The following TASOR variants were observed in gnomAD, a reference collection of about 807,000 sequenced individuals.
TASOR encodes the protein protein TASOR.
TASOR carries 53 observed loss-of-function variants against 178.6 expected under a neutral mutation model. The ratio of observed to expected loss-of-function variants is 0.30; its 90% confidence interval spans 0.24 to 0.37. The LOEUF (loss-of-function observed/expected upper bound fraction) is 0.37, where lower values mean the gene tolerates loss of function less well. TASOR is among the 10% of genes least tolerant of loss of function. The pLI, the probability that TASOR is intolerant of heterozygous loss-of-function variation, is 1.00. For missense variants in TASOR, 1,815 were observed against 1,971.4 expected (o/e 0.92, Z 1.50); for synonymous variants, 713 against 696.2 (o/e 1.02, Z -0.38).
At position 56,628,509 on chromosome 3, in the gene TASOR, C is replaced by T; in HGVS notation, c.3853G>A (p.Ala1285Thr). 6.2e-7 allele frequency: 1 copy of T among 1,602,060 alleles called. No homozygotes were observed. Among genetic ancestry groups the T allele is most frequent in the South Asian group, 1.1e-5 (1 of 87,806 alleles). The change falls in exon 19 of 24, where the codon GCA becomes ACA. Residue 1285 changes from alanine (A) to threonine (T), a missense_variant. Transcript: ENST00000683822. ...LLIIIQNEDI[A>T]GFIHKIPGLV... ...TAGTCTACCTTGTGAATGAAACCTG[C>T]AATGTCTTCATTTTGAATAATAATC... is the stretch of plus-strand genomic sequence containing the variant.
At chr3:56,655,005 A>C (rs569827318) in intron 11 of TASOR, among the ~76,000 whole-genome samples, 1 of 152,166 alleles carries the variant, frequency 6.6e-6, no homozygotes, top group South Asian at 2.1e-4. Context: ...CCCCCACCAT[A>C]AACTATTGGT....
At chr3:56,677,234 G>A (rs529055360) in intron 1 of TASOR, among the ~76,000 whole-genome samples, 1 of 152,158 alleles carries the variant, frequency 6.6e-6, no homozygotes, top group Non-Finnish European at 1.5e-5. Context: ...CTCAATTATG[G>A]GTCACTATTT....
rs562337893 is a variant in TASOR, at chr3:56,626,620, G to A, written c.4139+417C>T. On this transcript the variant is annotated intron_variant, in intron 21 of 23. Transcript: ENST00000683822. ...TAGCTGGGCATGGTGGCGGGCGCCT[G>A]TAATCTCAGCTACTTGAGAGGCTGA... is the stretch of plus-strand genomic sequence containing the variant. 2.0e-3 allele frequency among the ~76,000 whole-genome samples: 309 copies of A among 152,254 alleles called. 12 individuals are homozygous for A. In the South Asian group the frequency reaches 0.058, roughly 28 times the overall value.
intron 16 of TASOR, among the ~76,000 whole-genome samples, chr3:56,639,741 G>C (rs552852551): frequency 1.3e-5 from 2 of 150,672 alleles, no homozygotes; most frequent in Non-Finnish European, 3.0e-5. Flanking sequence ...AAACTCCATA[G>C]AGACAGTGTG....
At chr3:56,661,296 G>A (rs2077589498) in intron 9 of TASOR, among the ~76,000 whole-genome samples, 1 of 152,170 alleles carries the variant, frequency 6.6e-6, no homozygotes, top group Non-Finnish European at 1.5e-5. Flanking sequence ...ACAGGCATGT[G>A]CCACCACGCT....
chr3:56,645,340 G>A (rs1304167424), intron 14 of TASOR, among the ~76,000 whole-genome samples: 9 of 152,138 alleles, frequency 5.9e-5, no homozygotes, highest in Non-Finnish European at 1.2e-4. Context: ...AGATTGCTAA[G>A]AGCAAAAGTG....
chr3:56,669,831 T>G, intron 4 of TASOR, 40 bp from the exon 5 acceptor site: 1 of 1,401,236 alleles, frequency 7.1e-7, no homozygotes, highest in Non-Finnish European at 9.7e-7. Flanking sequence ...GATTATATTT[T>G]TCAAAATCAC....
In TASOR at chr3:56,633,639, A is replaced by G. The variant is rs771427486; in HGVS notation, c.3152T>C (p.Ile1051Thr). Reference protein sequence around the residue: ...VSYVSTVSTPIFSTQEKMKRL... With the variant: ...VSYVSTVSTPTFSTQEKMKRL... ...TTTCATCTTCTCTTGTGTTGAAAAG[A>G]TAGGTGTGGAAACTGTACTGACATA... The change falls in exon 18 of 24, where the codon ATC becomes ACC. Residue 1051 changes from isoleucine to threonine, a missense_variant. By Grantham distance (89) the Ile-to-Thr change is moderately conservative. This residue lies in a region of TASOR where 655 missense variants were observed against 671.1 expected (regional missense o/e 0.98). Coordinates refer to ENST00000683822, the MANE Select transcript of TASOR (RefSeq NM_001365635.2). 1.2e-6 allele frequency: 2 copies of G among 1,614,000 alleles called. No homozygotes were observed. The highest frequency in any genetic ancestry group is 1.7e-4 in the Middle Eastern group (1 of 6,060).
chr3:56,650,318 C>T (rs939106519), intron 11 of TASOR, among the ~76,000 whole-genome samples: 1 of 152,204 alleles, frequency 6.6e-6, no homozygotes, highest in Non-Finnish European at 1.5e-5. Context: ...TGTTTGCACA[C>T]TCAAAAGTAA....
At chr3:56,661,893 G>T (rs996010032) in intron 9 of TASOR, among the ~76,000 whole-genome samples, 1 of 152,142 alleles carries the variant, frequency 6.6e-6, no homozygotes, top group African/African-American at 2.4e-5. Context: ...GTGAGGCCAA[G>T]GCGGGAGGAT....
In TASOR at chr3:56,663,683, T is replaced by G. The variant is rs142786370; in HGVS notation, c.1023-111A>C. On this transcript the variant is annotated intron_variant, in intron 7 of 23. Transcript: ENST00000683822. The stretch of plus-strand genomic sequence containing the variant: ...TTAATGGCATACTACAGTTAAGTCC[T>G]TCCTCCAGGTAGGAAGAACAAAGAA... The G allele has an allele frequency of 2.7e-6, 3 of 1,110,442 alleles. No individual in the cohort carries two copies. The East Asian group carries it at 2.1e-4, about 76-fold the overall frequency. 68.8% of individuals were successfully genotyped at this position (1,110,442 alleles called of 1,614,324 possible).
Position 56,656,336 on chromosome 3 carries a change from C to G in TASOR, c.1368+4395G>C, listed in dbSNP as rs1578253329. Among the ~76,000 whole-genome samples the G allele has an allele frequency of 2.0e-5, 3 of 152,272 alleles. No individual in the cohort carries two copies. The South Asian group carries it at 6.2e-4, about 32-fold the overall frequency. ...GGCATGGCGGTTCACACCTGTAATC[C>G]CAGCACTTTGGGAGGTTGAGGCAGG... On this transcript the variant is annotated intron_variant, in intron 11 of 23. Coordinates refer to ENST00000683822, the MANE Select transcript of TASOR (RefSeq NM_001365635.2).
chr3:56,647,157 A>G lies in TASOR; in HGVS notation c.1580T>C (p.Ile527Thr), dbSNP rs746299529. 2 of 1,601,332 alleles carry G rather than the reference A, an allele frequency of 1.2e-6. No homozygotes were observed. The highest frequency in any genetic ancestry group is 1.7e-6 in the Non-Finnish European group (2 of 1,176,876). ...CAAAGAAAATTGTAAAAACTGAGCT[A>G]TTTTTAATACATCTGGCATGCTCTC... ...RHESMPDVLK[I>T]AQFLQFSLIQ... is the part of the protein sequence containing the mutation. Residue 527 changes from isoleucine (I) to threonine (T), a missense_variant, in exon 14 of 24, where the codon ATA (isoleucine) becomes ACA (threonine). Ile to Thr is a moderately conservative substitution (Grantham distance 89). Transcript: ENST00000683822.
chr3:56,662,935 T>C (rs1281768089), intron 8 of TASOR, among the ~76,000 whole-genome samples: 1 of 152,154 alleles, frequency 6.6e-6, no homozygotes, highest in Admixed American at 6.5e-5. Flanking sequence ...CCCCAGCACT[T>C]TGGGAGGCCG....
chr3:56,646,103 A>T (rs1162942614), intron 14 of TASOR, among the ~76,000 whole-genome samples: 1 of 152,306 alleles, frequency 6.6e-6, no homozygotes, highest in East Asian at 1.9e-4. Context: ...AGCCGAGATC[A>T]TGCCACTACA....
At chr3:56,643,997 C>T (rs1454482716) in intron 14 of TASOR, among the ~76,000 whole-genome samples, 1 of 152,064 alleles carries the variant, frequency 6.6e-6, no homozygotes, top group African/African-American at 2.4e-5. Context: ...GATTTTTACC[C>T]ACAACTATTT....
At chr3:56,669,670 T>A in intron 5 of TASOR, 30 bp downstream of exon 5, 1 of 1,351,468 alleles carries the variant, frequency 7.4e-7, no homozygotes, top group Non-Finnish European at 1.0e-6. Flanking sequence ...GTGTAGTTTT[T>A]CATACATGAA....
intron 11 of TASOR, among the ~76,000 whole-genome samples, chr3:56,658,634 G>A (rs1471379298): frequency 6.6e-6 from 1 of 152,168 alleles, no homozygotes; most frequent in Admixed American, 6.5e-5. Context: ...TAAGAAGGAA[G>A]GGCCAGGCGC....
intron 14 of TASOR, among the ~76,000 whole-genome samples, chr3:56,645,917 G>C (rs144068094): frequency 6.6e-6 from 1 of 152,196 alleles, no homozygotes; most frequent in Non-Finnish European, 1.5e-5. Flanking sequence ...GGGAGGCCGA[G>C]GCAGGCGGAT....
Sources: gnomAD v4.1 joint callset for allele counts (sites outside exome capture counted in the v4.1 genomes callset) on GRCh38, gnomAD v4.1.1 for gene constraint, gnomAD v4.1.1 regional missense constraint, MANE v1.5 for transcripts, NCBI Gene and HGNC (gene_info 2026-07-23, HGNC 2026-07-21) for gene names.